Variants in ETHE1 observed in about 807,000 individuals in gnomAD.
ETHE1 encodes the protein ETHE1 persulfide dioxygenase.
ETHE1 carries 16 observed loss-of-function variants against 25.7 expected under a neutral mutation model. The ratio of observed to expected loss-of-function variants is 0.62; its 90% confidence interval spans 0.42 to 0.95. The LOEUF (loss-of-function observed/expected upper bound fraction) is 0.95, where lower values mean the gene tolerates loss of function less well. Among genes scored for constraint, ETHE1 ranks in the 40% least tolerant of loss-of-function variants. ETHE1 has a pLI of 0.00. For missense variants in ETHE1, 300 were observed against 333.6 expected, an observed-to-expected ratio of 0.90 and a Z score of 0.79; for synonymous variants, 139 against 135.9, an observed-to-expected ratio of 1.02 and a Z score of -0.16.
intron 3 of ETHE1, 117 bp from the exon 4 acceptor site, chr19:43,511,683 G>A (rs748325859): frequency 1.4e-5 from 16 of 1,155,442 alleles, no homozygotes; most frequent in Middle Eastern, 2.9e-4. Context: ...GGTAAAAAAT[G>A]TAGATTCCCA....
At chr19:43,525,762 G>A in intron 3 of ETHE1, 1 of 270,534 alleles carries the variant, frequency 3.7e-6, no homozygotes, top group Non-Finnish European at 7.3e-6. Context: ...GCACTCCAGG[G>A]TCCTCACCGT....
At chr19:43,518,329 C>T (rs1972064242) in intron 3 of ETHE1, among the ~76,000 whole-genome samples, 1 of 148,246 alleles carries the variant, frequency 6.7e-6, no homozygotes, top group South Asian at 2.1e-4. Context: ...CCAGCCTGGG[C>T]AACATGGTGA....
At chr19:43,507,018 G>A (rs1269819186) in intron 6 of ETHE1, 116 bp from the exon 7 acceptor site, 2 of 1,074,460 alleles carry the variant, frequency 1.9e-6, no homozygotes, top group East Asian at 2.5e-5. Context: ...TTTTGGTCCT[G>A]AGCCCACTCC....
At chr19:43,510,477 G>C (rs544392564) in intron 4 of ETHE1, among the ~76,000 whole-genome samples, 1 of 151,770 alleles carries the variant, frequency 6.6e-6, no homozygotes, top group East Asian at 1.9e-4. Flanking sequence ...TGGGACTACA[G>C]GCACCCACCA....
chr19:43,514,639 C>T (rs1056551170), intron 3 of ETHE1, among the ~76,000 whole-genome samples: 9 of 152,060 alleles, frequency 5.9e-5, no homozygotes, highest in Non-Finnish European at 1.3e-4. Flanking sequence ...GCATGTACCA[C>T]CACACCTGGC....
intron 3 of ETHE1, among the ~76,000 whole-genome samples, chr19:43,521,165 C>G (rs941669663): frequency 6.6e-6 from 1 of 151,918 alleles, no homozygotes; most frequent in Non-Finnish European, 1.5e-5. Flanking sequence ...AACCCCATCT[C>G]TAATAAAAAC....
chr19:43,513,388 G>A (rs1248048149), intron 3 of ETHE1, among the ~76,000 whole-genome samples: 1 of 152,022 alleles, frequency 6.6e-6, no homozygotes, highest in Non-Finnish European at 1.5e-5. Context: ...GCCCGTGAAA[G>A]CAGCCAGGAG....
chr19:43,526,197 T>C lies in ETHE1; in HGVS notation c.375+4A>G, dbSNP rs777221307. On this transcript the variant is annotated splice_donor_region_variant and intron_variant, in intron 3 of 6. Coordinates refer to ENST00000292147, the MANE Select transcript of ETHE1 (RefSeq NM_014297.5). ...CCCTCTTGGGGACCCAGCACCCAAC[T>C]CACGAAGCGCCCGAAGCGGATGGAG... 1.9e-6 allele frequency: 3 copies of C among 1,614,020 alleles called. No individual in the cohort carries two copies. In the Admixed American group the frequency reaches 5.0e-5, roughly 27 times the overall value.
At chr19:43,511,929 G>A (rs982037786) in intron 3 of ETHE1, among the ~76,000 whole-genome samples, 1 of 151,980 alleles carries the variant, frequency 6.6e-6, no homozygotes, top group African/African-American at 2.4e-5. Context: ...TGAATAATGG[G>A]GGCAGGTTTT....
intron 3 of ETHE1, among the ~76,000 whole-genome samples, chr19:43,518,536 G>C (rs1369074810): frequency 1.3e-5 from 2 of 151,808 alleles, no homozygotes. Context: ...CACGAGGTCA[G>C]GAGATCGAGA....
At chr19:43,518,307 A>G (rs980314710) in intron 3 of ETHE1, among the ~76,000 whole-genome samples, 3 of 151,792 alleles carry the variant, frequency 2.0e-5, no homozygotes, top group Admixed American at 6.6e-5. Flanking sequence ...ATTTGAGCCC[A>G]GGAGATTGAG....
At chr19:43,525,809 C>G (rs1972231185) in intron 3 of ETHE1, 6 of 310,598 alleles carry the variant, frequency 1.9e-5, no homozygotes, top group South Asian at 1.8e-4. Flanking sequence ...TCTAAGCACC[C>G]AGATGCTCCT....
At chr19:43,523,363 C>T (rs1266372518) in intron 3 of ETHE1, among the ~76,000 whole-genome samples, 3 of 152,030 alleles carry the variant, frequency 2.0e-5, no homozygotes, top group Non-Finnish European at 2.9e-5. Context: ...CTCTGCCTCC[C>T]GGATTCAAGC....
At chr19:43,512,805 C>G (rs541733250) in intron 3 of ETHE1, among the ~76,000 whole-genome samples, 1 of 152,124 alleles carries the variant, frequency 6.6e-6, no homozygotes, top group African/African-American at 2.4e-5. Flanking sequence ...GTATAAGTAA[C>G]GAGGAGCCAA....
chr19:43,512,061 G>A (rs1168357010), intron 3 of ETHE1, among the ~76,000 whole-genome samples: 2 of 152,038 alleles, frequency 1.3e-5, no homozygotes, highest in Admixed American at 6.6e-5. Context: ...CTCCTCCTTC[G>A]CCTTCCACCA....
chr19:43,526,872 A>G (rs2146020642), intron 1 of ETHE1: 2 of 1,474,224 alleles, frequency 1.4e-6, no homozygotes, highest in Middle Eastern at 2.4e-4. Flanking sequence ...CAGGGTCCCC[A>G]GCACGTTCTT....
rs759952954 is a variant in ETHE1 at position 43,511,614 on chromosome 19, G to A, written c.376-48C>T. 1.3e-5 allele frequency: 21 copies of A among 1,600,376 alleles called. No homozygotes were observed. In the South Asian group the frequency reaches 1.5e-4, roughly 12 times the overall value. On this transcript the variant is annotated intron_variant, in intron 3 of 6. Coordinates refer to ENST00000292147, the MANE Select transcript of ETHE1 (RefSeq NM_014297.5). ...GAGATAGTCACCAAGAAGCCTTCTA[G>A]ATGAAACTGGCCCCCAAAGCCCCAC...
intron 3 of ETHE1, among the ~76,000 whole-genome samples, chr19:43,522,840 A>G (rs550149540): frequency 3.1e-4 from 47 of 152,344 alleles, no homozygotes; most frequent in African/African-American, 1.0e-3. Context: ...TCATTTATGC[A>G]GTGTCTGTGG....
chr19:43,513,099 C>T (rs1408630292), intron 3 of ETHE1, among the ~76,000 whole-genome samples: 4 of 152,220 alleles, frequency 2.6e-5, no homozygotes, highest in Non-Finnish European at 5.9e-5. Context: ...AAGTCAAGAA[C>T]AGAGGTTTGG....
Sources: gnomAD v4.1 joint callset for allele counts (sites outside exome capture counted in the v4.1 genomes callset) on GRCh38, gnomAD v4.1.1 for gene constraint, MANE v1.5 for transcripts, NCBI Gene and HGNC (gene_info 2026-07-23, HGNC 2026-07-21) for gene names.